Variants in LYPD6 observed in about 807,000 individuals in gnomAD.
LYPD6 encodes LY6/PLAUR domain containing 6.
In LYPD6, 15 loss-of-function variants were observed where a neutral mutation model predicts 22.7. The observed-to-expected ratio is 0.66, with a 90% CI of 0.44 to 1.02. The LOEUF (loss-of-function observed/expected upper bound fraction) is 1.02. Among genes scored for constraint, LYPD6 ranks in the 50% least tolerant of loss-of-function variants. The pLI is 0.00. For missense variants in LYPD6, 189 were observed against 208.4 expected (o/e 0.91, Z 0.57); for synonymous variants, 72 against 77.5 (o/e 0.93, Z 0.37).
chr2:149,437,406 G>A lies in LYPD6; in HGVS notation c.-71-232G>A, dbSNP rs147416804. Among the ~76,000 whole-genome samples the A allele has an allele frequency of 8.9e-3, 1,350 of 152,240 alleles. 12 individuals carry two copies. The highest frequency in any genetic ancestry group is 0.014 in the Non-Finnish European group (927 of 68,030). On this transcript the variant is annotated intron_variant, in intron 1 of 4. Transcript: ENST00000334166. ...GTCTCTCTTGATACCATCTCTGCTG[G>A]ATATGAGAGGGGATGGCTACCAGTG...
chr2:149,332,421 C>T (rs1376873547), intron 1 of LYPD6, among the ~76,000 whole-genome samples: 1 of 152,174 alleles, frequency 6.6e-6, no homozygotes, highest in Non-Finnish European at 1.5e-5. Flanking sequence ...ATGCATAAAT[C>T]GGGCTGATTC....
intron 1 of LYPD6, among the ~76,000 whole-genome samples, chr2:149,331,045 A>G (rs1680927351): frequency 6.6e-6 from 1 of 152,132 alleles, no homozygotes; most frequent in African/African-American, 2.4e-5. Context: ...CCCAGGAGTA[A>G]TTCAGCATCT....
At chr2:149,452,356 C>T (rs997678824) in intron 3 of LYPD6, among the ~76,000 whole-genome samples, 4 of 152,172 alleles carry the variant, frequency 2.6e-5, no homozygotes, top group Non-Finnish European at 5.9e-5. Context: ...CTCTTTCCTC[C>T]AGGTTTTCTT....
At chr2:149,371,650 C>CTCATTCCAGGCACACACATTTTTTGA (rs1245680888) in intron 1 of LYPD6, among the ~76,000 whole-genome samples, 1 of 152,172 alleles carries the variant, frequency 6.6e-6, no homozygotes, top group Non-Finnish European at 1.5e-5. Context: ...GTGCCTCACA[C>CTCATTCCAGGCACACACATTTTTTGA]GTGCCTGGAA....
chr2:149,389,111 C>A (rs547811882), intron 1 of LYPD6, among the ~76,000 whole-genome samples: 30 of 152,212 alleles, frequency 2.0e-4, no homozygotes, highest in Non-Finnish European at 2.8e-4. Context: ...TTAAAAAAAA[C>A]CCCTAAGTTT....
chr2:149,374,730 G>C (rs1338349310), intron 1 of LYPD6, among the ~76,000 whole-genome samples: 1 of 152,212 alleles, frequency 6.6e-6, no homozygotes, highest in African/African-American at 2.4e-5. Flanking sequence ...TTAACATCCT[G>C]CTTCACAGGA....
intron 1 of LYPD6, among the ~76,000 whole-genome samples, chr2:149,371,668 G>C (rs939807685): frequency 1.3e-5 from 2 of 152,146 alleles, no homozygotes; most frequent in Non-Finnish European, 2.9e-5. Flanking sequence ...GAATCGTGTC[G>C]TCAGAACCCG....
rs1029306642 is a variant in LYPD6 at position 149,405,281 on chromosome 2, A to G, written c.-71-32357A>G. On this transcript the variant is annotated intron_variant, in intron 1 of 4. Transcript: ENST00000334166. The stretch of plus-strand genomic sequence containing the variant: ...GTTAGGGAGGATTCCCTCTTTTTCT[A>G]TTGATTGGAATAGTTTCAGAAGCAA... 5.5e-4 allele frequency among the ~76,000 whole-genome samples: 83 copies of G among 151,966 alleles called. 1 individual carries two copies. Among genetic ancestry groups the G allele is most frequent in the African/African-American group, 1.8e-3 (75 of 41,380 alleles).
Position 149,449,029 on chromosome 2 carries a change from C to G in LYPD6, c.119-20C>G. 1 of 1,563,306 alleles carries G rather than the reference C, an allele frequency of 6.4e-7. No individual in the cohort carries two copies. The highest frequency in any genetic ancestry group is 8.8e-7 in the Non-Finnish European group (1 of 1,138,046). On this transcript the variant is annotated intron_variant, in intron 2 of 4. Transcript: ENST00000334166. ...TGCCTTGTCTAAAAATTAATCTTTT[C>G]TCTTAATCCTTTTTTTTAGCCACAC...
chr2:149,437,230 C>G (rs1182850077), intron 1 of LYPD6, among the ~76,000 whole-genome samples: 1 of 152,144 alleles, frequency 6.6e-6, no homozygotes, highest in Non-Finnish European at 1.5e-5. Context: ...TTTGCATGGA[C>G]ACCCGTGGCC....
intron 1 of LYPD6, among the ~76,000 whole-genome samples, chr2:149,334,562 T>A (rs1302807211): frequency 6.6e-6 from 1 of 152,108 alleles, no homozygotes; most frequent in African/African-American, 2.4e-5. Context: ...GGCCTTCACC[T>A]AAGTATATTG....
intron 1 of LYPD6, among the ~76,000 whole-genome samples, chr2:149,340,367 T>C (rs1004771430): frequency 1.7e-4 from 26 of 152,222 alleles, no homozygotes; most frequent in Non-Finnish European, 3.4e-4. Flanking sequence ...CTTGCACTTA[T>C]AATAACAGCA....
chr2:149,391,147 T>C (rs1299839522), intron 1 of LYPD6, among the ~76,000 whole-genome samples: 1 of 152,220 alleles, frequency 6.6e-6, no homozygotes, highest in Admixed American at 6.5e-5. Context: ...TTCTCTTGAA[T>C]GTACACCATA....
the LYPD6 span, among the ~76,000 whole-genome samples, chr2:149,483,035 C>T: frequency 6.6e-6 from 1 of 152,288 alleles, no homozygotes; most frequent in East Asian, 1.9e-4. Flanking sequence ...GGAGAGTCCC[C>T]TGGATGAGAG....
At chr2:149,335,654 A>G (rs1179736581) in intron 1 of LYPD6, among the ~76,000 whole-genome samples, 1 of 151,892 alleles carries the variant, frequency 6.6e-6, no homozygotes, top group Non-Finnish European at 1.5e-5. Flanking sequence ...CTTCCCACTC[A>G]CTCACTTGCC....
intron 2 of LYPD6, among the ~76,000 whole-genome samples, chr2:149,447,730 A>G (rs917432247): frequency 1.4e-4 from 21 of 152,236 alleles, no homozygotes; most frequent in East Asian, 1.9e-4. Context: ...TTTTATTTGC[A>G]TGTTGACATT....
chr2:149,471,080 A>G lies in LYPD6; in HGVS notation c.*230A>G. 9.8e-6 allele frequency: 4 copies of G among 410,126 alleles called. No individual in the cohort carries two copies. Among genetic ancestry groups the G allele is most frequent in the Non-Finnish European group, 1.3e-5 (3 of 227,414 alleles). The allele number at this position is 410,126 out of a possible 1,614,324, so 25.4% of individuals were successfully genotyped here. ...CTTCTGTCAGTACAGCCCAAGTTCCATACCATAAACGTTTGTTTTCATTCC... is the reference window on the plus strand; with the variant it reads ...CTTCTGTCAGTACAGCCCAAGTTCCGTACCATAAACGTTTGTTTTCATTCC... On this transcript the variant is annotated 3_prime_UTR_variant, in exon 5 of 5. Transcript: ENST00000334166.
chr2:149,394,410 C>A (rs558733712), intron 1 of LYPD6, among the ~76,000 whole-genome samples: 4 of 152,262 alleles, frequency 2.6e-5, no homozygotes, highest in Admixed American at 2.0e-4. Flanking sequence ...TTACTCTCCA[C>A]CGTATTTAAC....
chr2:149,389,988 C>A (rs1682274119), intron 1 of LYPD6, among the ~76,000 whole-genome samples: 1 of 152,162 alleles, frequency 6.6e-6, no homozygotes, highest in African/African-American at 2.4e-5. Flanking sequence ...AGCCTCTTGG[C>A]ATTTTCCCAA....
Sources: allele counts gnomAD v4.1 joint callset (sites outside exome capture counted in the v4.1 genomes callset), GRCh38; gene constraint gnomAD v4.1.1; transcripts MANE v1.5; gene names NCBI Gene and HGNC (gene_info 2026-07-23, HGNC 2026-07-21).